Variants in ATP8A1 observed in about 807,000 individuals in gnomAD.
ATP8A1 encodes the protein ATPase phospholipid transporting 8A1.
In ATP8A1, 90 loss-of-function variants were observed where a neutral mutation model predicts 177.7. The observed-to-expected ratio is 0.51, with a 90% confidence interval of 0.43 to 0.60. ATP8A1 has a LOEUF of 0.60. ATP8A1 is among the 20% of genes least tolerant of loss of function. The pLI, the probability that ATP8A1 is intolerant of heterozygous loss-of-function variation, is 0.00. For missense variants in ATP8A1, 1,072 were observed against 1,392.8 expected (o/e 0.77, Z 3.67); for synonymous variants, 493 against 485.9 (o/e 1.01, Z -0.19).
intron 22 of ATP8A1, among the ~76,000 whole-genome samples, chr4:42,509,471 A>G (rs867149555): frequency 1.3e-5 from 2 of 152,228 alleles, no homozygotes. Flanking sequence ...TTGTCTTTGT[A>G]TACATGAGTA....
chr4:42,645,872 T>C (rs1740476515), intron 1 of ATP8A1, among the ~76,000 whole-genome samples: 1 of 151,820 alleles, frequency 6.6e-6, no homozygotes, highest in Non-Finnish European at 1.5e-5. Context: ...CCACCAGGAT[T>C]GGATAAAACT....
In ATP8A1 at chr4:42,587,251, A is replaced by G. The variant is rs145970623; in HGVS notation, c.595-775T>C. On this transcript the variant is annotated intron_variant, in intron 8 of 36. Transcript: ENST00000381668. ...TTAATTTTAGGTTCAGGGGTGTACA[A>G]TGGAGCTTATGTAGTAAACTTGTGT... Among the ~76,000 whole-genome samples, 5 of 152,120 alleles carry G rather than the reference A, an allele frequency of 3.3e-5. No homozygotes were observed. In the East Asian group the frequency reaches 9.6e-4, roughly 29 times the overall value.
chr4:42,653,075 C>T (rs1189776786), intron 1 of ATP8A1, among the ~76,000 whole-genome samples: 3 of 151,822 alleles, frequency 2.0e-5, no homozygotes, highest in Non-Finnish European at 4.4e-5. Context: ...CCTTTGTGAC[C>T]TCATTTCCTA....
intron 25 of ATP8A1, among the ~76,000 whole-genome samples, chr4:42,470,905 A>G (rs1397898452): frequency 6.6e-6 from 1 of 152,194 alleles, no homozygotes; most frequent in African/African-American, 2.4e-5. Context: ...TCTCCTGTGA[A>G]TATCAGTGTA....
intron 24 of ATP8A1, among the ~76,000 whole-genome samples, chr4:42,492,192 C>G (rs556702984): frequency 1.3e-5 from 2 of 152,152 alleles, no homozygotes; most frequent in East Asian, 3.9e-4. Flanking sequence ...TAGGTCCAAA[C>G]AAAAACAAGT....
chr4:42,462,768 C>T (rs535014191), intron 27 of ATP8A1, among the ~76,000 whole-genome samples: 2 of 152,134 alleles, frequency 1.3e-5, no homozygotes, highest in South Asian at 2.1e-4. Flanking sequence ...TGATGCCAGC[C>T]TGTGAAGGCA....
chr4:42,652,857 T>C (rs1741239384), intron 1 of ATP8A1, among the ~76,000 whole-genome samples: 1 of 152,100 alleles, frequency 6.6e-6, no homozygotes, highest in African/African-American at 2.4e-5. Flanking sequence ...TTTTTCTTTA[T>C]AAATTACCCA....
chr4:42,435,460 AAAAC>A (rs1560320657), intron 33 of ATP8A1, among the ~76,000 whole-genome samples: 4 of 108,210 alleles, frequency 3.7e-5, no homozygotes, highest in Admixed American at 1.0e-4. Context: ...CAAAAAAAAA[AAAAC>A]AAACTATCTC....
At chr4:42,457,952 A>G (rs1428784779) in intron 27 of ATP8A1, among the ~76,000 whole-genome samples, 1 of 152,178 alleles carries the variant, frequency 6.6e-6, no homozygotes, top group Non-Finnish European at 1.5e-5. Flanking sequence ...GTTTTTAGAA[A>G]ATGTATTTCC....
At position 42,425,139 on chromosome 4, in the gene ATP8A1, G is replaced by C. The variant is rs570471833; in HGVS notation, c.3124-1434C>G. Reference sequence around the variant, plus strand: ...AAAAAACCAATTTCTTTCTCCTTCTGGGGGGAAAGGTAAGGTAAGAATTCC... The same window carrying C: ...AAAAAACCAATTTCTTTCTCCTTCTCGGGGGAAAGGTAAGGTAAGAATTCC... On this transcript the variant is annotated intron_variant, in intron 33 of 36. Transcript: ENST00000381668. Among the ~76,000 whole-genome samples the C allele has an allele frequency of 6.4e-4, 98 of 152,208 alleles. No homozygotes were observed. In the Middle Eastern group the frequency reaches 0.01, roughly 16 times the overall value.
intron 4 of ATP8A1, among the ~76,000 whole-genome samples, chr4:42,619,014 G>A (rs1560526033): frequency 1.3e-5 from 2 of 151,900 alleles, no homozygotes; most frequent in South Asian, 2.1e-4. Flanking sequence ...AGGACTTCAC[G>A]TCCATCATTT....
intron 32 of ATP8A1, among the ~76,000 whole-genome samples, chr4:42,444,286 C>T (rs756302417): frequency 1.3e-5 from 2 of 152,104 alleles, no homozygotes; most frequent in African/African-American, 4.8e-5. Context: ...ACTTGTAATC[C>T]GTAAGTTTAA....
intron 5 of ATP8A1, among the ~76,000 whole-genome samples, chr4:42,613,688 A>G (rs908305510): frequency 1.3e-5 from 2 of 151,966 alleles, no homozygotes; most frequent in African/African-American, 4.8e-5. Context: ...GGTTTGAGCG[A>G]TTCTCCTACC....
intron 1 of ATP8A1, among the ~76,000 whole-genome samples, chr4:42,639,613 T>C (rs1044301833): frequency 6.6e-6 from 1 of 152,160 alleles, no homozygotes; most frequent in Non-Finnish European, 1.5e-5. Flanking sequence ...CTAAATGAAT[T>C]CCTAGCCTAT....
rs541188039 is a variant in ATP8A1 at position 42,457,843 on chromosome 4, A to G, written c.2620-2244T>C. On this transcript the variant is annotated intron_variant, in intron 27 of 36. Transcript: ENST00000381668. ...TGTTTGTTTCCAAAGTGTATTTTAA[A>G]ATGCATGACCTGCTTTATACTTTAC... 3.3e-5 allele frequency among the ~76,000 whole-genome samples: 5 copies of G among 152,318 alleles called. No homozygotes were observed. In the South Asian group the frequency reaches 1.0e-3, roughly 32 times the overall value.
intron 33 of ATP8A1, among the ~76,000 whole-genome samples, chr4:42,439,448 T>G (rs1716380857): frequency 6.6e-6 from 1 of 152,234 alleles, no homozygotes; most frequent in Admixed American, 6.5e-5. Context: ...TAACCTCTAT[T>G]TCACTGTTTC....
At chr4:42,435,893 A>G (rs1715939088) in intron 33 of ATP8A1, among the ~76,000 whole-genome samples, 1 of 152,108 alleles carries the variant, frequency 6.6e-6, no homozygotes, top group Non-Finnish European at 1.5e-5. Flanking sequence ...CCCGTCACTT[A>G]TCACTTTGTC....
intron 21 of ATP8A1, among the ~76,000 whole-genome samples, chr4:42,524,423 T>G (rs1045823408): frequency 2.7e-5 from 4 of 150,100 alleles, no homozygotes; most frequent in African/African-American, 9.8e-5. Context: ...GAATATCTGT[T>G]TTTTTTTTTT....
In ATP8A1 at chr4:42,424,942, G is replaced by T. The variant is rs559724628; in HGVS notation, c.3124-1237C>A. ...CCAATATTCGAGACACCAACAAGAT[G>T]AAAAATACTCACATAAAAGTCACTT... On this transcript the variant is annotated intron_variant, in intron 33 of 36. Coordinates refer to ENST00000381668, the MANE Select transcript of ATP8A1 (RefSeq NM_006095.2). 6.6e-5 allele frequency among the ~76,000 whole-genome samples: 10 copies of T among 152,246 alleles called. No homozygotes were observed. In the East Asian group the frequency reaches 1.5e-3, roughly 24 times the overall value.
Sources: allele counts gnomAD v4.1 joint callset (sites outside exome capture counted in the v4.1 genomes callset), GRCh38; gene constraint gnomAD v4.1.1; transcripts MANE v1.5; gene names NCBI Gene and HGNC (gene_info 2026-07-23, HGNC 2026-07-21).